Variants in LARS2 observed in about 807,000 individuals in gnomAD.
The protein encoded by LARS2 is leucyl-tRNA synthetase 2, mitochondrial, also known as leucine--tRNA ligase, mitochondrial.
A neutral mutation model predicts 116.6 loss-of-function variants in LARS2; 81 were observed. The ratio of observed to expected loss-of-function variants is 0.69; its 90% CI spans 0.58 to 0.84. The LOEUF is 0.84. LARS2 is among the 40% of genes least tolerant of loss of function. The pLI, the probability that LARS2 is intolerant of heterozygous loss-of-function variation, is 0.00. For missense variants in LARS2, 968 were observed against 1,114.5 expected (o/e 0.87, Z 1.87); for synonymous variants, 396 against 407.2 (o/e 0.97, Z 0.33).
chr3:45,494,521 C>T (rs1413668702), intron 13 of LARS2, among the ~76,000 whole-genome samples: 1 of 152,188 alleles, frequency 6.6e-6, no homozygotes, highest in Non-Finnish European at 1.5e-5. Context: ...GCTTCACATC[C>T]ATGCCTTAGA....
intron 8 of LARS2, among the ~76,000 whole-genome samples, chr3:45,461,990 ATC>A (rs1699333312): frequency 6.6e-6 from 1 of 152,236 alleles, no homozygotes; most frequent in Non-Finnish European, 1.5e-5. Context: ...GAGATAGGAC[ATC>A]TATTTTAAAA....
intron 16 of LARS2, among the ~76,000 whole-genome samples, chr3:45,513,880 C>A (rs896351985): frequency 6.6e-6 from 1 of 152,064 alleles, no homozygotes; most frequent in Non-Finnish European, 1.5e-5. Flanking sequence ...TCACGTGCAC[C>A]CAGCACACAC....
chr3:45,449,135 C>A (rs2125705528), intron 7 of LARS2, among the ~76,000 whole-genome samples: 1 of 148,202 alleles, frequency 6.7e-6, no homozygotes, highest in Middle Eastern at 3.6e-3. Flanking sequence ...AGGGAGGGAG[C>A]AAGGGGAAGC....
At chr3:45,462,867 A>T (rs1699356590) in intron 8 of LARS2, among the ~76,000 whole-genome samples, 1 of 152,070 alleles carries the variant, frequency 6.6e-6, no homozygotes, top group African/African-American at 2.4e-5. Flanking sequence ...CAAGATAAAG[A>T]TGCTTTATTC....
At position 45,480,994 on chromosome 3, in the gene LARS2, C is replaced by T. The variant is rs189043071; in HGVS notation, c.1018+4367C>T. Reference sequence around the variant, plus strand: ...ACCATCCCCACAGTCAATTTTAGAACATTTTCATCATCCCAAAAAGAAATC... The same window carrying T: ...ACCATCCCCACAGTCAATTTTAGAATATTTTCATCATCCCAAAAAGAAATC... On this transcript the variant is annotated intron_variant, in intron 10 of 21. Coordinates refer to ENST00000645846, the MANE Select transcript of LARS2 (RefSeq NM_015340.4). 6.8e-4 allele frequency among the ~76,000 whole-genome samples: 103 copies of T among 152,236 alleles called. 1 individual carries two copies. Among genetic ancestry groups the T allele is most frequent in the Non-Finnish European group, 8.8e-5 (6 of 68,008 alleles).
In LARS2 at chr3:45,548,972, G is replaced by A. The variant is rs1198560290; in HGVS notation, c.*1442G>A. On this transcript the variant is annotated 3_prime_UTR_variant, in exon 22 of 22. Coordinates refer to ENST00000645846, the MANE Select transcript of LARS2 (RefSeq NM_015340.4). The stretch of plus-strand genomic sequence containing the variant: ...CTCCACATGGAATGCTATAAAGTGG[G>A]ATACATGTGGTTCTTCTTGTTCCAG... The A allele has an allele frequency of 6.6e-6, 1 of 152,180 alleles. No individual in the cohort carries two copies. The highest frequency in any genetic ancestry group is 1.5e-5 in the Non-Finnish European group (1 of 68,044). The allele number at this position is 152,180 out of a possible 1,614,324, so 9.4% of individuals were successfully genotyped here.
At chr3:45,408,488 A>G (rs17576051) in intron 4 of LARS2, among the ~76,000 whole-genome samples, 10,050 of 152,274 alleles carry the variant, frequency 0.066, 442 homozygotes, top group Non-Finnish European at 0.1. Context: ...TGCTTTTTGT[A>G]CGGCAGAAGG....
At chr3:45,419,440 T>C (rs112549728) in intron 5 of LARS2, among the ~76,000 whole-genome samples, 6 of 152,340 alleles carry the variant, frequency 3.9e-5, no homozygotes, top group African/African-American at 1.4e-4. Flanking sequence ...CCAAAGACCA[T>C]TGTGGTTTCT....
chr3:45,417,481 G>A lies in LARS2; in HGVS notation c.364-1G>A. The A allele has an allele frequency of 6.2e-7, 1 of 1,612,926 alleles. No homozygotes were observed. The highest frequency in any genetic ancestry group is 8.5e-7 in the Non-Finnish European group (1 of 1,178,922). On this transcript the variant is annotated splice_acceptor_variant, in intron 4 of 21. Transcript: ENST00000645846. LOFTEE classifies it high-confidence loss of function. ...GTTGATGTTCCTCTTCTGGGTCCTA[G>A]GTCATCAACCCCATGGGATGGGATG...
intron 6 of LARS2, among the ~76,000 whole-genome samples, chr3:45,427,256 A>G (rs1698609998): frequency 6.6e-6 from 1 of 152,212 alleles, no homozygotes; most frequent in African/African-American, 2.4e-5. Context: ...TGAGATTGTT[A>G]TTCCATGAAA....
intron 8 of LARS2, among the ~76,000 whole-genome samples, chr3:45,467,567 T>C (rs1466821776): frequency 6.6e-6 from 1 of 152,218 alleles, no homozygotes; most frequent in Non-Finnish European, 1.5e-5. Flanking sequence ...TAGTTTTAAA[T>C]TGAATGCTCC....
intron 6 of LARS2, chr3:45,421,177 A>C (rs547318558): frequency 6.6e-6 from 1 of 152,280 alleles, no homozygotes; most frequent in African/African-American, 2.4e-5. Context: ...GCAGATTCTC[A>C]ATCCTTCTTG....
At chr3:45,395,518 T>A (rs929255195) in intron 3 of LARS2, among the ~76,000 whole-genome samples, 5 of 152,248 alleles carry the variant, frequency 3.3e-5, no homozygotes, top group African/African-American at 1.2e-4. Flanking sequence ...ATGTGATTGT[T>A]ACATGAAATG....
rs150322554 is a variant in LARS2 at position 45,448,340 on chromosome 3, A to C, written c.606+1360A>C. ...TCAGCTCTGGCTGGTAGGGCCTGCT[A>C]GGTTGCCTCCACCCCCACACTGCTG... On this transcript the variant is annotated intron_variant, in intron 7 of 21. Transcript: ENST00000645846. Among the ~76,000 whole-genome samples the C allele has an allele frequency of 1.2e-3, 183 of 152,308 alleles. 3 individuals are homozygous for C. The highest frequency in any genetic ancestry group is 4.0e-3 in the African/African-American group (167 of 41,570).
intron 20 of LARS2, among the ~76,000 whole-genome samples, chr3:45,527,211 G>GT: frequency 6.6e-6 from 1 of 152,332 alleles, no homozygotes; most frequent in East Asian, 1.9e-4. Context: ...GGAAGGACCT[G>GT]TTATATAATG....
At chr3:45,497,807 T>C (rs1700042782) in intron 14 of LARS2, among the ~76,000 whole-genome samples, 1 of 151,710 alleles carries the variant, frequency 6.6e-6, no homozygotes, top group Admixed American at 6.6e-5. Context: ...CTCAGGAGTC[T>C]GAGACAGGAG....
chr3:45,549,079 C>G lies in LARS2; in HGVS notation c.*1549C>G, dbSNP rs1700912076. On this transcript the variant is annotated 3_prime_UTR_variant, in exon 22 of 22. Transcript: ENST00000645846. ...GTCACTGGTTCTCAGACTTAATACT[C>G]TGCCTGGTCCTCATGCCCAGATATT... 1 of 152,270 alleles carries G rather than the reference C, an allele frequency of 6.6e-6. No individual in the cohort carries two copies. 9.4% of individuals were successfully genotyped at this position (152,270 alleles called of 1,614,324 possible).
At chr3:45,517,560 T>C (rs1408878618) in intron 17 of LARS2, among the ~76,000 whole-genome samples, 1 of 152,218 alleles carries the variant, frequency 6.6e-6, no homozygotes, top group East Asian at 1.9e-4. Context: ...GTTAACTCCA[T>C]GGCATTTTTG....
intron 20 of LARS2, among the ~76,000 whole-genome samples, chr3:45,534,882 T>G (rs753092641): frequency 6.6e-6 from 1 of 152,232 alleles, no homozygotes; most frequent in African/African-American, 2.4e-5. Context: ...GCTTCGGATC[T>G]GAGAAGCTAA....
Sources: allele counts gnomAD v4.1 joint callset (sites outside exome capture counted in the v4.1 genomes callset), GRCh38; gene constraint gnomAD v4.1.1; transcripts MANE v1.5; gene names NCBI Gene and HGNC (gene_info 2026-07-23, HGNC 2026-07-21).